The following CHAT variants were observed in gnomAD, a reference collection of about 807,000 sequenced individuals.
CHAT encodes the protein choline O-acetyltransferase, also known as acetyl CoA:choline O-acetyltransferase.
A neutral mutation model predicts 76.9 loss-of-function variants in CHAT; 61 were observed. That is an observed-to-expected ratio of 0.79 (90% CI 0.65 to 0.98). CHAT has a LOEUF of 0.98. CHAT is among the 50% of genes least tolerant of loss of function. The pLI, the probability that CHAT is intolerant of heterozygous loss-of-function variation, is 0.00. For synonymous variants in CHAT, 407 were observed against 397.4 expected, an observed-to-expected ratio of 1.02 and a Z score of -0.29; for missense variants, 946 against 986.9, an observed-to-expected ratio of 0.96 and a Z score of 0.56.
Position 49,616,460 on chromosome 10 carries a change from A to G in CHAT, c.287-42A>G, listed in dbSNP as rs368026138. 277 of 1,467,788 alleles carry G rather than the reference A, an allele frequency of 1.9e-4. 2 individuals are homozygous for G. Among genetic ancestry groups the G allele is most frequent in the Non-Finnish European group, 2.4e-4 (254 of 1,059,160 alleles). The allele number at this position is 1,467,788 out of a possible 1,614,324, so 90.9% of individuals were successfully genotyped here. On this transcript the variant is annotated intron_variant, in intron 1 of 14. Coordinates refer to ENST00000337653, the MANE Select transcript of CHAT (RefSeq NM_020549.5). ...GAGGTGGAGGGTTTGTGACAGGCCT[A>G]TGTGGCTGCTGTGTTGATGCTTCCC...
chr10:49,611,475 C>T, upstream of CHAT: 1 of 1,599,548 alleles, frequency 6.3e-7, no homozygotes, highest in Non-Finnish European at 8.5e-7. Flanking sequence ...GCGTGCCCTT[C>T]TTGGTGCTAG....
intron 7 of CHAT, among the ~76,000 whole-genome samples, chr10:49,639,027 A>G (rs1451862101): frequency 6.6e-6 from 1 of 152,072 alleles, no homozygotes; most frequent in African/African-American, 2.4e-5. Context: ...TGAGGTCAGG[A>G]GTTCAAGACC....
Position 49,651,900 on chromosome 10 carries a change from G to T in CHAT, c.1528G>T (p.Asp510Tyr), listed in dbSNP as rs752482024. The change falls in exon 11 of 15, where the codon GAC becomes TAC. Residue 510 changes from aspartate (D) to tyrosine (Y), a missense_variant. By Grantham distance (160) the Asp-to-Tyr change is radical (BLOSUM62 -3). This residue lies in a region of CHAT where 349 missense variants were observed against 393.9 expected (regional missense o/e 0.89). Transcript: ENST00000337653. Reference protein sequence around the residue: ...EKLQRIVKNLDFIVYKFDNYG... With the variant: ...EKLQRIVKNLYFIVYKFDNYG... The stretch of plus-strand genomic sequence containing the variant: ...CTTCCTCAGAATAGTAAAGAACCTT[G>T]ACTTCATTGTCTATAAGTTTGACAA... 4.3e-6 allele frequency: 7 copies of T among 1,613,916 alleles called. No individual in the cohort carries two copies. Among genetic ancestry groups the T allele is most frequent in the Non-Finnish European group, 5.9e-6 (7 of 1,179,824 alleles).
chr10:49,615,928 C>A, intron 1 of CHAT: 1 of 1,090,618 alleles, frequency 9.2e-7, no homozygotes, highest in Non-Finnish European at 1.4e-6. Context: ...TGGCCACAGG[C>A]CAGGCTCCCA....
intron 14 of CHAT, 69 bp from the exon 15 acceptor site, chr10:49,664,708 G>C: frequency 1.9e-6 from 3 of 1,599,168 alleles, no homozygotes; most frequent in Non-Finnish European, 2.6e-6. Flanking sequence ...AAACAGAGAA[G>C]CCAAGCCCAG....
Position 49,649,523 on chromosome 10 carries a change from G to A in CHAT, c.1398G>A (p.Arg466=), listed in dbSNP as rs1281045445. ...HLLKHVTQSS[R]KLIRADSVSE... is the part of the protein sequence containing the mutation. ...GTGCCCGCAGGACGCAGAGCAGCAG[G>A]AAGCTGATCCGAGCAGACTCCGTCA... Residue 466 remains arginine, a synonymous_variant, in exon 10 of 15, where the codon AGG becomes AGA. Coordinates refer to ENST00000337653, the MANE Select transcript of CHAT (RefSeq NM_020549.5). 2 of 1,613,768 alleles carry A rather than the reference G, an allele frequency of 1.2e-6. No individual in the cohort carries two copies. Among genetic ancestry groups the A allele is most frequent in the Non-Finnish European group, 1.7e-6 (2 of 1,180,054 alleles).
At chr10:49,632,503 C>A (rs1364203639) in intron 7 of CHAT, among the ~76,000 whole-genome samples, 1 of 152,154 alleles carries the variant, frequency 6.6e-6, no homozygotes, top group Non-Finnish European at 1.5e-5. Context: ...CTTCCTGGAG[C>A]CTGGGTACAG....
At chr10:49,655,492 G>A (rs1223308229) in intron 13 of CHAT, 44 bp downstream of exon 13, 7 of 1,577,990 alleles carry the variant, frequency 4.4e-6, no homozygotes, top group Non-Finnish European at 8.7e-7. Context: ...CTTGAGCTGT[G>A]CCTGGGGCCT....
rs530115098 is a variant in CHAT at position 49,623,069 on chromosome 10, C to T, written c.752+919C>T. On this transcript the variant is annotated intron_variant, in intron 5 of 14. Transcript: ENST00000337653. ...ATTCTGCACCACACGCTCCTGTGTG[C>T]TCTGCTCACTCCTCTCTAAATGCCA... Among the ~76,000 whole-genome samples the T allele has an allele frequency of 1.1e-3, 174 of 152,306 alleles. 2 individuals carry two copies. Among genetic ancestry groups the T allele is most frequent in the African/African-American group, 3.9e-3 (163 of 41,554 alleles).
intron 7 of CHAT, chr10:49,637,784 C>T (rs183779603): frequency 8.1e-4 from 124 of 152,320 alleles, no homozygotes; most frequent in African/African-American, 2.9e-3. Context: ...TGTTTAGTTT[C>T]CAAATGTTTG....
intron 13 of CHAT, among the ~76,000 whole-genome samples, chr10:49,658,492 T>A (rs1019963209): frequency 6.6e-6 from 1 of 152,130 alleles, no homozygotes; most frequent in Non-Finnish European, 1.5e-5. Flanking sequence ...TACTTCAGTC[T>A]GGGCAACAAG....
intron 4 of CHAT, 57 bp from the exon 5 acceptor site, chr10:49,622,040 G>GAAGGGGGGGAAGAGGAA (rs1564473582): frequency 1.3e-6 from 2 of 1,545,150 alleles, no homozygotes; most frequent in Non-Finnish European, 8.9e-7. Context: ...AAGGGAGGGA[G>GAAGGGGGGGAAGAGGAA]GGAGGGAGGA....
At chr10:49,636,785 G>T (rs1251494557) in intron 7 of CHAT, among the ~76,000 whole-genome samples, 2 of 152,102 alleles carry the variant, frequency 1.3e-5, no homozygotes, top group African/African-American at 4.8e-5. Context: ...ACCAAGGTCT[G>T]ATTTTTCACA....
intron 2 of CHAT, among the ~76,000 whole-genome samples, chr10:49,618,526 C>T (rs927504369): frequency 6.6e-6 from 1 of 152,114 alleles, no homozygotes; most frequent in Non-Finnish European, 1.5e-5. Context: ...AGGGAGAGAA[C>T]GACCCAGGAG....
At chr10:49,631,369 T>A (rs1488892247) in intron 7 of CHAT, among the ~76,000 whole-genome samples, 1 of 152,246 alleles carries the variant, frequency 6.6e-6, no homozygotes, top group East Asian at 1.9e-4. Context: ...ATCTGCATCC[T>A]AATCTCTTCT....
chr10:49,613,998 A>G, upstream of CHAT: 2 of 1,034,794 alleles, frequency 1.9e-6, no homozygotes, highest in Non-Finnish European at 1.4e-6. Flanking sequence ...CAGCACCCCA[A>G]GGCTGGAATA....
rs12261316 is a variant in CHAT, at chr10:49,620,247, G to A, written c.580-248G>A. On this transcript the variant is annotated intron_variant, in intron 3 of 14. Transcript: ENST00000337653. Reference sequence around the variant, plus strand: ...AGGAAGAAGACACCTGTAAGGACAGGCAGAGGACAGCGATGTAGCACCAAG... The same window carrying A: ...AGGAAGAAGACACCTGTAAGGACAGACAGAGGACAGCGATGTAGCACCAAG... 0.014 allele frequency among the ~76,000 whole-genome samples: 2,113 copies of A among 152,224 alleles called. 60 individuals carry two copies. The highest frequency in any genetic ancestry group is 0.048 in the African/African-American group (2,003 of 41,514).
intron 10 of CHAT, among the ~76,000 whole-genome samples, chr10:49,650,242 T>C (rs892162110): frequency 3.3e-5 from 5 of 151,980 alleles, no homozygotes; most frequent in Non-Finnish European, 7.4e-5. Flanking sequence ...AGAGCTCTGG[T>C]GTGCACCCGG....
chr10:49,633,456 C>CG (rs1839192770), intron 7 of CHAT, among the ~76,000 whole-genome samples: 1 of 152,042 alleles, frequency 6.6e-6, no homozygotes, highest in South Asian at 2.1e-4. Flanking sequence ...TAGGGGTGGC[C>CG]GGGGGTGAAG....
Sources: allele counts gnomAD v4.1 joint callset (sites outside exome capture counted in the v4.1 genomes callset), GRCh38; gene constraint gnomAD v4.1.1; regional missense constraint gnomAD v4.1.1; transcripts MANE v1.5; gene names NCBI Gene and HGNC (gene_info 2026-07-23, HGNC 2026-07-21).